LANCL3: variants seen among roughly 807,000 people sequenced by gnomAD.
The protein encoded by LANCL3 is LanC like family member 3, also known as lanC-like protein 3.
LANCL3 carries 19 observed loss-of-function variants against 26.5 expected under a neutral mutation model. The observed-to-expected ratio is 0.72, with a 90% CI of 0.50 to 1.05. LANCL3 has a LOEUF of 1.05. LANCL3 is among the 50% of genes least tolerant of loss of function. LANCL3 has a pLI of 0.00. For synonymous variants in LANCL3, 160 were observed against 166.6 expected (o/e 0.96, Z 0.30); for missense variants, 318 against 362.7 (o/e 0.88, Z 1.00).
intron 1 of LANCL3, among the ~76,000 whole-genome samples, chrX:37,633,009 A>G (rs1925579107): frequency 8.9e-6 from 1 of 111,797 alleles, no homozygotes; most frequent in African/African-American, 3.3e-5. Flanking sequence ...CTGCCTTGCT[A>G]GATTGGGGAA....
chrX:37,630,846 G>A lies in LANCL3; in HGVS notation c.574-24842G>A, dbSNP rs1358053829. ...AGCTTTTTGATGTGCTGCTGGATTC[G>A]GTTTGCCAGTATTTTATTGAAGATT... On this transcript the variant is annotated intron_variant, in intron 1 of 4. Transcript: ENST00000378619. Among the ~76,000 whole-genome samples the A allele has an allele frequency of 7.3e-5, 8 of 110,127 alleles. No homozygotes were observed. The East Asian group carries it at 8.5e-4, about 12-fold the overall frequency.
chrX:37,618,971 TCA>T (rs1925081433), intron 1 of LANCL3, among the ~76,000 whole-genome samples: 1 of 111,222 alleles, frequency 9.0e-6, no homozygotes, highest in Non-Finnish European at 1.9e-5. Flanking sequence ...CCTTCTCCTC[TCA>T]CTCTTAATCC....
chrX:37,581,460 G>C (rs1923890796), intron 1 of LANCL3, among the ~76,000 whole-genome samples: 1 of 111,794 alleles, frequency 8.9e-6, no homozygotes, highest in African/African-American at 3.3e-5. Flanking sequence ...TCACATCCCA[G>C]CAATTTTAAA....
At chrX:37,634,080 C>T (rs1468255635) in intron 1 of LANCL3, among the ~76,000 whole-genome samples, 1 of 112,833 alleles carries the variant, frequency 8.9e-6, no homozygotes, top group Admixed American at 9.3e-5. Flanking sequence ...CTGTGGTGGG[C>T]TCCACCCAGT....
intron 1 of LANCL3, among the ~76,000 whole-genome samples, chrX:37,581,980 G>A (rs1372132562): frequency 1.8e-5 from 2 of 109,708 alleles, no homozygotes; most frequent in African/African-American, 6.7e-5. Flanking sequence ...CCCTTCCTGT[G>A]TCCAAGTGTT....
chrX:37,597,607 G>A (rs1351582272), intron 1 of LANCL3, among the ~76,000 whole-genome samples: 1 of 108,515 alleles, frequency 9.2e-6, no homozygotes, highest in African/African-American at 3.4e-5. Context: ...TTGAACTCCT[G>A]GGCCCAAGTG....
At chrX:37,675,032 G>A (rs1926761670) in intron 4 of LANCL3, among the ~76,000 whole-genome samples, 1 of 112,099 alleles carries the variant, frequency 8.9e-6, no homozygotes, top group East Asian at 2.8e-4. Context: ...CTTTCATAGG[G>A]AATTTAGAGG....
Position 37,597,668 on chromosome X carries a change from C to CTT in LANCL3, c.573+25252_573+25253dup, listed in dbSNP as rs57097813. Among the ~76,000 whole-genome samples, 169 of 79,810 alleles carry CTT rather than the reference C, an allele frequency of 2.1e-3. 16 individuals are homozygous for CTT. The highest frequency in any genetic ancestry group is 2.4e-3 in the African/African-American group (48 of 19,955). 69.3% of individuals were successfully genotyped at this position (79,810 alleles called of 115,157 possible). On this transcript the variant is annotated intron_variant, in intron 1 of 4. Coordinates refer to ENST00000378619, the MANE Select transcript of LANCL3 (RefSeq NM_001170331.2). ...AGCTGGAACTACAGGCACACGCCACCTTTTTTTTTTTTTTTTTTTTTTTTT... is the reference window on the plus strand; with the variant it reads ...AGCTGGAACTACAGGCACACGCCACCTTTTTTTTTTTTTTTTTTTTTTTTTTT...
At chrX:37,628,657 C>T in intron 1 of LANCL3, among the ~76,000 whole-genome samples, 1 of 89,775 alleles carries the variant, frequency 1.1e-5, no homozygotes, top group Middle Eastern at 6.1e-3. Context: ...TCCATGTGTT[C>T]TCATTGTTCA....
At chrX:37,633,046 T>C (rs781795795) in intron 1 of LANCL3, among the ~76,000 whole-genome samples, 24 of 112,114 alleles carry the variant, frequency 2.1e-4, no homozygotes, top group African/African-American at 7.1e-4. Context: ...TCCTGCAGAT[T>C]GTTTTCCAAC....
Position 37,593,190 on chromosome X carries a change from A to G in LANCL3, c.573+20747A>G, listed in dbSNP as rs187530059. ...TGGGATCACAAAACCTGAGGCCCCA[A>G]TACCAGTGGGGCCACAGGGAACTTC... On this transcript the variant is annotated intron_variant, in intron 1 of 4. Transcript: ENST00000378619. Among the ~76,000 whole-genome samples, 148 of 111,540 alleles carry G rather than the reference A, an allele frequency of 1.3e-3. No homozygotes were observed. The Middle Eastern group carries it at 0.014, about 10-fold the overall frequency.
At chrX:37,662,699 G>A (rs1335880268) in intron 3 of LANCL3, among the ~76,000 whole-genome samples, 1 of 111,383 alleles carries the variant, frequency 9.0e-6, no homozygotes, top group Non-Finnish European at 1.9e-5. Context: ...GTTGCATTTG[G>A]CAAAGTCATA....
At chrX:37,630,025 A>T (rs1289192962) in intron 1 of LANCL3, among the ~76,000 whole-genome samples, 1 of 111,675 alleles carries the variant, frequency 9.0e-6, no homozygotes. Context: ...CATTGAATCT[A>T]TAAATTACCT....
intron 1 of LANCL3, among the ~76,000 whole-genome samples, chrX:37,653,955 G>A (rs1413632278): frequency 1.8e-5 from 2 of 110,906 alleles, no homozygotes; most frequent in African/African-American, 3.3e-5. Context: ...TACTGAAGCC[G>A]AGTCCATCTT....
intron 1 of LANCL3, among the ~76,000 whole-genome samples, chrX:37,604,626 T>C (rs1344566776): frequency 2.7e-5 from 3 of 112,046 alleles, no homozygotes; most frequent in African/African-American, 6.5e-5. Context: ...GGCTCACTTA[T>C]ACGTTTTTCA....
chrX:37,582,035 G>A (rs1556417109), intron 1 of LANCL3, among the ~76,000 whole-genome samples: 1 of 111,109 alleles, frequency 9.0e-6, no homozygotes, highest in African/African-American at 3.3e-5. Flanking sequence ...TACGGTGTTT[G>A]GTTTTCTGTC....
chrX:37,647,029 A>G (rs1266038812), intron 1 of LANCL3, among the ~76,000 whole-genome samples: 1 of 112,263 alleles, frequency 8.9e-6, no homozygotes, highest in Non-Finnish European at 1.9e-5. Flanking sequence ...AAAAATACCC[A>G]GGAGGCTGGG....
intron 1 of LANCL3, among the ~76,000 whole-genome samples, chrX:37,588,579 G>A (rs1162319490): frequency 8.9e-6 from 1 of 111,871 alleles, no homozygotes; most frequent in East Asian, 2.8e-4. Flanking sequence ...TTCTTGGGGT[G>A]CTAGCCACTT....
intron 1 of LANCL3, among the ~76,000 whole-genome samples, chrX:37,612,408 C>T (rs2146736672): frequency 9.0e-6 from 1 of 111,309 alleles, no homozygotes; most frequent in South Asian, 3.8e-4. Context: ...GGAGAGAGAT[C>T]AGGTGATGTC....
Sources: gnomAD v4.1 joint callset for allele counts (sites outside exome capture counted in the v4.1 genomes callset) on GRCh38, gnomAD v4.1.1 for gene constraint, MANE v1.5 for transcripts, NCBI Gene and HGNC (gene_info 2026-07-23, HGNC 2026-07-21) for gene names.